Variants in DCDC1 observed in about 807,000 individuals in gnomAD.
DCDC1 encodes the protein doublecortin domain-containing protein 1.
Under a neutral mutation model 178.3 loss-of-function variants are expected in DCDC1, and 200 were observed. That is an observed-to-expected ratio of 1.12 (90% CI 1.00 to 1.26). DCDC1 has a LOEUF of 1.26. DCDC1 is among the 50% of genes most tolerant of loss of function. DCDC1 has a pLI of 0.00. For missense variants in DCDC1, 1,983 were observed against 1,749.2 expected, an observed-to-expected ratio of 1.13 and a Z score of -2.38; for synonymous variants, 690 against 604.8, an observed-to-expected ratio of 1.14 and a Z score of -2.07.
intron 17 of DCDC1, among the ~76,000 whole-genome samples, chr11:31,082,599 ATC>A (rs1957246428): frequency 5.0e-5 from 2 of 40,336 alleles, no homozygotes; most frequent in African/African-American, 1.3e-4. Context: ...AGATATAGAT[ATC>A]TATATCTATA....
Position 30,933,536 on chromosome 11 carries a change from T to A in DCDC1, c.2716-1584A>T, listed in dbSNP as rs896716895. 3.9e-5 allele frequency among the ~76,000 whole-genome samples: 6 copies of A among 152,314 alleles called. No homozygotes were observed. The South Asian group carries it at 1.2e-3, about 32-fold the overall frequency. ...TGCTCATGATGTATGACACTTGTTA[T>A]AAATTGTTGAATTAAATGTGCTAAT... On this transcript the variant is annotated intron_variant, in intron 21 of 38. Transcript: ENST00000684477.
chr11:30,949,713 G>A (rs1429662842), intron 21 of DCDC1, among the ~76,000 whole-genome samples: 4 of 152,068 alleles, frequency 2.6e-5, no homozygotes, highest in African/African-American at 9.7e-5. Context: ...CAGGGACATG[G>A]ATGAAGCTGG....
At chr11:30,894,052 A>G (rs908800663) in intron 35 of DCDC1, among the ~76,000 whole-genome samples, 196 bp downstream of exon 35, 2 of 152,112 alleles carry the variant, frequency 1.3e-5, no homozygotes, top group African/African-American at 4.8e-5. Context: ...AACAAAACAG[A>G]CCCTCATATG....
chr11:31,194,604 T>G (rs1169055026), intron 9 of DCDC1, among the ~76,000 whole-genome samples: 1 of 152,122 alleles, frequency 6.6e-6, no homozygotes, highest in Non-Finnish European at 1.5e-5. Flanking sequence ...ATAATTAAAA[T>G]AGCTCCATAG....
intron 1 of DCDC1, among the ~76,000 whole-genome samples, chr11:31,356,208 C>A (rs537842890): frequency 1.3e-5 from 2 of 152,072 alleles, no homozygotes; most frequent in Admixed American, 6.5e-5. Context: ...AGCCAAGACT[C>A]TAACAAATAA....
At chr11:31,152,672 T>C (rs1965291804) in intron 9 of DCDC1, among the ~76,000 whole-genome samples, 1 of 152,230 alleles carries the variant, frequency 6.6e-6, no homozygotes, top group African/African-American at 2.4e-5. Flanking sequence ...AATTATTTAC[T>C]GTCTTTCTAC....
At chr11:31,338,008 C>A (rs1024826990) in intron 1 of DCDC1, among the ~76,000 whole-genome samples, 1 of 152,158 alleles carries the variant, frequency 6.6e-6, no homozygotes, top group African/African-American at 2.4e-5. Flanking sequence ...AAGCAGGCTG[C>A]AGATCTGTTC....
intron 9 of DCDC1, among the ~76,000 whole-genome samples, chr11:31,229,971 A>C (rs372534673): frequency 1.3e-5 from 2 of 152,182 alleles, no homozygotes; most frequent in African/African-American, 4.8e-5. Context: ...GCCCACTCTC[A>C]CCACTACTAT....
chr11:31,162,166 GT>G (rs1966372101), intron 9 of DCDC1, among the ~76,000 whole-genome samples: 1 of 152,086 alleles, frequency 6.6e-6, no homozygotes, highest in South Asian at 2.1e-4. Flanking sequence ...CACAGAGAAA[GT>G]ATTTTTGAAT....
In DCDC1 at chr11:31,032,991, A is replaced by C. The variant is rs545838822; in HGVS notation, c.2591+31478T>G. Among the ~76,000 whole-genome samples, 14 of 152,266 alleles carry C rather than the reference A, an allele frequency of 9.2e-5. No individual in the cohort carries two copies. In the East Asian group the frequency reaches 2.5e-3, roughly 27 times the overall value. ...AAAAGACACACCTGGCAGAGGTGGG[A>C]GGCCTTGGCTGTTTAAAAAAAGGAT... On this transcript the variant is annotated intron_variant, in intron 20 of 38. Coordinates refer to ENST00000684477, the MANE Select transcript of DCDC1 (RefSeq NM_001387274.1).
At chr11:31,301,528 TCAA>T (rs1019343353) in intron 6 of DCDC1, among the ~76,000 whole-genome samples, 1 of 152,152 alleles carries the variant, frequency 6.6e-6, no homozygotes, top group Non-Finnish European at 1.5e-5. Flanking sequence ...AATTTAAAAA[TCAA>T]CAAATTCAGT....
At chr11:31,050,546 C>A (rs1019601261) in intron 20 of DCDC1, among the ~76,000 whole-genome samples, 1 of 152,166 alleles carries the variant, frequency 6.6e-6, no homozygotes, top group South Asian at 2.1e-4. Context: ...GGAGGCCAAC[C>A]AGCACAAAAA....
chr11:31,049,061 C>G (rs553430844), intron 20 of DCDC1, among the ~76,000 whole-genome samples: 2 of 152,244 alleles, frequency 1.3e-5, no homozygotes, highest in African/African-American at 4.8e-5. Flanking sequence ...TTCTGAGACA[C>G]GGCCTATGTC....
intron 20 of DCDC1, among the ~76,000 whole-genome samples, chr11:31,031,187 G>T (rs1307689254): frequency 1.3e-5 from 2 of 152,126 alleles, no homozygotes; most frequent in African/African-American, 4.8e-5. Context: ...TAAAAGAAGT[G>T]TAGTAGAATG....
intron 1 of DCDC1, among the ~76,000 whole-genome samples, chr11:31,368,917 G>A (rs981067030): frequency 2.6e-5 from 4 of 152,070 alleles, no homozygotes; most frequent in Admixed American, 6.6e-5. Context: ...AATCAAGAAA[G>A]GGAGAAGAAA....
chr11:30,952,453 G>A lies in DCDC1; in HGVS notation c.2707C>T (p.Leu903Phe), dbSNP rs775232261. 6.4e-7 allele frequency: 1 copy of A among 1,566,356 alleles called. No homozygotes were observed. The highest frequency in any genetic ancestry group is 1.2e-5 in the South Asian group (1 of 86,072). ...AAGCTAAGCAACACAACCTCATTAA[G>A]TTGGCCACTGGGAAGGACAGGCCAC... ...YMWPVLPSGQ[L>F]NEEFDWPIQG... The change falls in exon 21 of 39, where the codon CTT (leucine) becomes TTT (phenylalanine). Residue 903 changes from leucine to phenylalanine, a missense_variant. Coordinates refer to ENST00000684477, the MANE Select transcript of DCDC1 (RefSeq NM_001387274.1).
In DCDC1 at chr11:30,904,983, A is replaced by G. The variant is rs1222757387; in HGVS notation, c.4286T>C (p.Ile1429Thr). 4 of 1,613,668 alleles carry G rather than the reference A, an allele frequency of 2.5e-6. No individual in the cohort carries two copies. Among genetic ancestry groups the G allele is most frequent in the African/African-American group, 2.7e-5 (2 of 74,918 alleles). Reference sequence around the variant, plus strand: ...TACCATGGGGAATGTTCCAGCCACAATTAACTTCCCATTACGATACCCATC... The same window carrying G: ...TACCATGGGGAATGTTCCAGCCACAGTTAACTTCCCATTACGATACCCATC... ...NGDGYRNGKL[I>T]VAGTFPMLLT... The change falls in exon 31 of 39, where the codon ATT becomes ACT. Residue 1429 changes from isoleucine to threonine, a missense_variant. Physicochemically the swap from Ile to Thr is moderately conservative, Grantham distance 89 (BLOSUM62 -1). Coordinates refer to ENST00000684477, the MANE Select transcript of DCDC1 (RefSeq NM_001387274.1).
chr11:30,982,260 A>G (rs1950427541), intron 20 of DCDC1, among the ~76,000 whole-genome samples: 2 of 152,240 alleles, frequency 1.3e-5, no homozygotes, highest in African/African-American at 4.8e-5. Context: ...AGTTAAAGTT[A>G]CAAGCTACTG....
At chr11:30,888,031 AG>A in intron 36 of DCDC1, among the ~76,000 whole-genome samples, 1 of 131,084 alleles carries the variant, frequency 7.6e-6, no homozygotes, top group South Asian at 2.5e-4. Context: ...AGAGAGAGAG[AG>A]AGAAAGAAAG....
Sources: gnomAD v4.1 joint callset for allele counts (sites outside exome capture counted in the v4.1 genomes callset) on GRCh38, gnomAD v4.1.1 for gene constraint, MANE v1.5 for transcripts, NCBI Gene and HGNC (gene_info 2026-07-23, HGNC 2026-07-21) for gene names.